MAN2A1: variants seen among roughly 807,000 people sequenced by gnomAD.
MAN2A1 encodes mannosidase alpha class 2A member 1.
A neutral mutation model predicts 142.6 loss-of-function variants in MAN2A1; 76 were observed. The ratio of observed to expected loss-of-function variants is 0.53; its 90% CI spans 0.44 to 0.65. The LOEUF (loss-of-function observed/expected upper bound fraction) is 0.65, where lower values mean the gene tolerates loss of function less well. MAN2A1 is among the 30% of genes least tolerant of loss of function. The pLI is 0.00. For missense variants in MAN2A1, 1,311 were observed against 1,365.1 expected (o/e 0.96, Z 0.62); for synonymous variants, 559 against 473.2 (o/e 1.18, Z -2.35).
intron 4 of MAN2A1, among the ~76,000 whole-genome samples, chr5:109,754,601 A>G (rs1752630754): frequency 6.6e-6 from 1 of 152,210 alleles, no homozygotes; most frequent in South Asian, 2.1e-4. Context: ...TGATAAAAGT[A>G]TATTGAAATA....
chr5:109,712,480 C>T (rs1751329094), intron 1 of MAN2A1, among the ~76,000 whole-genome samples: 1 of 152,138 alleles, frequency 6.6e-6, no homozygotes, highest in Non-Finnish European at 1.5e-5. Context: ...TTTGACCAGT[C>T]CCCTACTTTT....
intron 19 of MAN2A1, among the ~76,000 whole-genome samples, chr5:109,848,284 CTG>C (rs1368060839): frequency 6.6e-6 from 1 of 152,186 alleles, no homozygotes; most frequent in African/African-American, 2.4e-5. Context: ...ATCTAGTACT[CTG>C]TGTTGAATGG....
intron 1 of MAN2A1, among the ~76,000 whole-genome samples, chr5:109,693,630 T>G (rs1292601061): frequency 6.6e-6 from 1 of 152,106 alleles, no homozygotes; most frequent in Non-Finnish European, 1.5e-5. Flanking sequence ...CTCACAACTC[T>G]GGTGTTTTCC....
chr5:109,740,956 G>A (rs930247999), intron 4 of MAN2A1, among the ~76,000 whole-genome samples: 1 of 151,694 alleles, frequency 6.6e-6, no homozygotes, highest in African/African-American at 2.4e-5. Flanking sequence ...ATATAAAATT[G>A]CCAATATTTG....
At chr5:109,823,287 A>G (rs887167582) in intron 15 of MAN2A1, among the ~76,000 whole-genome samples, 5 of 152,272 alleles carry the variant, frequency 3.3e-5, no homozygotes, top group African/African-American at 1.2e-4. Context: ...TCCTGCTTTC[A>G]GTTTGCTTAG....
intron 1 of MAN2A1, among the ~76,000 whole-genome samples, chr5:109,707,544 T>C (rs965100055): frequency 2.0e-5 from 3 of 152,088 alleles, no homozygotes; most frequent in African/African-American, 7.2e-5. Flanking sequence ...ATGAATAAAA[T>C]AGATAATTGT....
intron 16 of MAN2A1, among the ~76,000 whole-genome samples, chr5:109,838,043 C>T (rs990883556): frequency 4.0e-5 from 6 of 150,964 alleles, no homozygotes; most frequent in African/African-American, 1.5e-4. Context: ...GAGAAGCTAA[C>T]ATTCTGTAGG....
At chr5:109,744,850 A>G (rs1274013886) in intron 4 of MAN2A1, among the ~76,000 whole-genome samples, 2 of 152,190 alleles carry the variant, frequency 1.3e-5, no homozygotes, top group Non-Finnish European at 1.5e-5. Context: ...TCAAACTGCA[A>G]GCAGTTTAAA....
chr5:109,858,535 A>G lies in MAN2A1; in HGVS notation c.3171+3201A>G, dbSNP rs1338784105. On this transcript the variant is annotated intron_variant, in intron 20 of 21. Coordinates refer to ENST00000261483, the MANE Select transcript of MAN2A1 (RefSeq NM_002372.4). The stretch of plus-strand genomic sequence containing the variant: ...TGTTTCTGTGTGCTGGAAGCTTCCA[A>G]TGTGCAATAATGGGCTGTTCATTTG... 3.9e-5 allele frequency among the ~76,000 whole-genome samples: 6 copies of G among 152,206 alleles called. No homozygotes were observed. The East Asian group carries it at 5.8e-4, about 15-fold the overall frequency.
At chr5:109,758,964 G>A (rs1037064237) in intron 5 of MAN2A1, among the ~76,000 whole-genome samples, 2 of 151,974 alleles carry the variant, frequency 1.3e-5, no homozygotes, top group African/African-American at 4.8e-5. Flanking sequence ...ATTTATGCCA[G>A]TACCGTACTG....
chr5:109,769,648 C>G (rs1400717285), intron 6 of MAN2A1, among the ~76,000 whole-genome samples: 2 of 152,206 alleles, frequency 1.3e-5, no homozygotes, highest in Non-Finnish European at 2.9e-5. Flanking sequence ...AATTCTGCAT[C>G]AGGAATCAGT....
At chr5:109,851,451 G>A (rs944242600) in intron 19 of MAN2A1, among the ~76,000 whole-genome samples, 1 of 152,104 alleles carries the variant, frequency 6.6e-6, no homozygotes, top group African/African-American at 2.4e-5. Context: ...ATGAATTAAT[G>A]CCATTATCAT....
intron 12 of MAN2A1, among the ~76,000 whole-genome samples, chr5:109,798,746 A>G (rs953094901): frequency 3.9e-5 from 6 of 152,246 alleles, no homozygotes; most frequent in African/African-American, 7.2e-5. Flanking sequence ...CAGTGGCACA[A>G]TCTCGGCTTA....
At chr5:109,737,683 A>C (rs1302596851) in intron 4 of MAN2A1, among the ~76,000 whole-genome samples, 5 of 152,166 alleles carry the variant, frequency 3.3e-5, no homozygotes, top group Admixed American at 6.6e-5. Context: ...GTATCGTTAG[A>C]GTGTAGCACT....
chr5:109,690,735 C>CAAGTTAACA (rs1330496113), intron 1 of MAN2A1, among the ~76,000 whole-genome samples, 183 bp downstream of exon 1: 1 of 152,130 alleles, frequency 6.6e-6, no homozygotes, highest in Non-Finnish European at 1.5e-5. Flanking sequence ...CCGGGCGCGC[C>CAAGTTAACA]AAGTTAACAA....
At chr5:109,715,281 TG>T (rs1188369682) in intron 2 of MAN2A1, among the ~76,000 whole-genome samples, 2 of 119,684 alleles carry the variant, frequency 1.7e-5, no homozygotes, top group Non-Finnish European at 3.7e-5. Context: ...TCATATAATT[TG>T]TTTGGCCTTT....
At chr5:109,718,090 A>G (rs1182026342) in intron 3 of MAN2A1, among the ~76,000 whole-genome samples, 1 of 152,138 alleles carries the variant, frequency 6.6e-6, no homozygotes, top group Non-Finnish European at 1.5e-5. Context: ...GCCACTTGTA[A>G]TATCTAAGTT....
intron 12 of MAN2A1, among the ~76,000 whole-genome samples, chr5:109,792,937 G>A (rs531161190): frequency 1.1e-4 from 17 of 152,184 alleles, no homozygotes; most frequent in Admixed American, 7.9e-4. Context: ...GGTAGAAACA[G>A]CAAGACTTCT....
chr5:109,788,525 G>A (rs1331138452), intron 10 of MAN2A1, among the ~76,000 whole-genome samples: 2 of 151,822 alleles, frequency 1.3e-5, no homozygotes, highest in Non-Finnish European at 2.9e-5. Flanking sequence ...ATTTTCTTGT[G>A]AGCTGAATTA....
Sources: allele counts gnomAD v4.1 joint callset (sites outside exome capture counted in the v4.1 genomes callset), GRCh38; gene constraint gnomAD v4.1.1; transcripts MANE v1.5; gene names NCBI Gene and HGNC (gene_info 2026-07-23, HGNC 2026-07-21).